Variants in IGF1R observed in about 807,000 individuals in gnomAD.
IGF1R encodes the protein insulin-like growth factor 1 receptor.
In IGF1R, 44 loss-of-function variants were observed where a neutral mutation model predicts 144.6. That is an observed-to-expected ratio of 0.30 (90% CI 0.24 to 0.39). IGF1R has a LOEUF of 0.39. IGF1R is among the 10% of genes least tolerant of loss of function. IGF1R has a pLI of 1.00. For missense variants in IGF1R, 1,355 were observed against 1,833.7 expected, an observed-to-expected ratio of 0.74 and a Z score of 4.77; for synonymous variants, 795 against 722.8, an observed-to-expected ratio of 1.10 and a Z score of -1.60.
intron 3 of IGF1R, among the ~76,000 whole-genome samples, chr15:98,893,842 A>T (rs2014048652): frequency 6.6e-6 from 1 of 152,176 alleles, no homozygotes; most frequent in African/African-American, 2.4e-5. Context: ...TTTTGTTTAA[A>T]AATAAAACAC....
rs570456255 is a variant in IGF1R, at chr15:98,707,164, G to A, written c.95-398G>A. Among the ~76,000 whole-genome samples, 3 of 152,202 alleles carry A rather than the reference G, an allele frequency of 2.0e-5. No homozygotes were observed. Among genetic ancestry groups the A allele is most frequent in the Middle Eastern group, 3.2e-3 (1 of 316 alleles). ...ATTGATACTTGGCTGCTGAGCTGTC[G>A]TTCAGGCCTTGGCAACTGACGCTCT... On this transcript the variant is annotated intron_variant, in intron 1 of 20. Transcript: ENST00000650285. This position sits in a 1 kb window ranked among gnomAD's most constrained non-coding sequence, Gnocchi z 6.7.
chr15:98,769,534 T>C (rs1055717585), intron 2 of IGF1R, among the ~76,000 whole-genome samples: 1 of 152,244 alleles, frequency 6.6e-6, no homozygotes, highest in African/African-American at 2.4e-5. Context: ...CATGTCATTC[T>C]TTTAGACTTG....
At chr15:98,833,442 T>C (rs1392549197) in intron 2 of IGF1R, among the ~76,000 whole-genome samples, 1 of 152,212 alleles carries the variant, frequency 6.6e-6, no homozygotes, top group Non-Finnish European at 1.5e-5. Context: ...TTCCATCAGC[T>C]ATTTTGTGGA....
At chr15:98,858,802 T>C (rs887456166) in intron 2 of IGF1R, among the ~76,000 whole-genome samples, 1 of 152,260 alleles carries the variant, frequency 6.6e-6, no homozygotes, top group African/African-American at 2.4e-5. Context: ...ATCAGCACCC[T>C]GCTTTTATTT....
chr15:98,715,554 A>G (rs543203671), intron 2 of IGF1R, among the ~76,000 whole-genome samples: 1 of 152,094 alleles, frequency 6.6e-6, no homozygotes, highest in Admixed American at 6.5e-5. Flanking sequence ...TGCTTTCCTC[A>G]TGTGTATGCC....
chr15:98,904,334 G>C (rs761688155), intron 5 of IGF1R, among the ~76,000 whole-genome samples: 16 of 152,084 alleles, frequency 1.1e-4, no homozygotes, highest in Admixed American at 3.3e-4. Context: ...TTACAGGTGT[G>C]AGCCACCGTG....
intron 2 of IGF1R, among the ~76,000 whole-genome samples, chr15:98,794,196 C>T (rs1484333696): frequency 6.6e-6 from 1 of 152,174 alleles, no homozygotes; most frequent in Admixed American, 6.5e-5. Context: ...TATTTAGAAA[C>T]GCCAGTCTAG....
chr15:98,734,692 C>T (rs1358461187), intron 2 of IGF1R: 3 of 152,144 alleles, frequency 2.0e-5, no homozygotes, highest in Admixed American at 1.3e-4. Context: ...TTTAATGTTG[C>T]CAGGAGGCCG....
chr15:98,781,977 G>A (rs760852184), intron 2 of IGF1R, among the ~76,000 whole-genome samples: 1 of 152,086 alleles, frequency 6.6e-6, no homozygotes, highest in Non-Finnish European at 1.5e-5. Flanking sequence ...CCAGCAAAAG[G>A]CTGATTACTT....
intron 5 of IGF1R, among the ~76,000 whole-genome samples, chr15:98,908,302 G>A (rs1036676309): frequency 1.1e-4 from 17 of 152,230 alleles, no homozygotes; most frequent in South Asian, 8.3e-4. Context: ...ACGCTGTTCC[G>A]ATTGGGTAGC....
At chr15:98,728,007 GTTTTT>G (rs10680958) in intron 2 of IGF1R, among the ~76,000 whole-genome samples, 3 of 108,756 alleles carry the variant, frequency 2.8e-5, no homozygotes, top group Admixed American at 1.1e-4. Flanking sequence ...AAGATGCATT[GTTTTT>G]TTTTTTTTTT....
At chr15:98,877,717 G>C (rs907825639) in intron 2 of IGF1R, among the ~76,000 whole-genome samples, 3 of 152,110 alleles carry the variant, frequency 2.0e-5, no homozygotes, top group Non-Finnish European at 4.4e-5. Context: ...ACTGTGATTT[G>C]CCTGTACAGG....
At position 98,962,432 on chromosome 15, in the gene IGF1R, TTC is replaced by T. The variant is rs1394427429; in HGVS notation, c.*4992_*4993del. The stretch of plus-strand genomic sequence containing the variant: ...TTAAGAACCAGTGGCGAAAGACACT[TTC>T]TTTCTTCACTCTGAAGTAGCTGGTG... On this transcript the variant is annotated 3_prime_UTR_variant, in exon 21 of 21. Coordinates refer to ENST00000650285, the MANE Select transcript of IGF1R (RefSeq NM_000875.5). The T allele has an allele frequency of 8.6e-6, 2 of 232,250 alleles. No individual in the cohort carries two copies. Among genetic ancestry groups the T allele is most frequent in the African/African-American group, 4.5e-5 (2 of 44,234 alleles). The allele number at this position is 232,250 out of a possible 1,614,324, so 14.4% of individuals were successfully genotyped here.
At chr15:98,933,341 T>C (rs949423096) in intron 15 of IGF1R, among the ~76,000 whole-genome samples, 1 of 152,216 alleles carries the variant, frequency 6.6e-6, no homozygotes, top group Non-Finnish European at 1.5e-5. Flanking sequence ...AATATTTATT[T>C]ATTCATTCAT....
In IGF1R at chr15:98,960,443, T is replaced by C; in HGVS notation, c.*3001T>C. The C allele has an allele frequency of 4.3e-6, 1 of 232,074 alleles. No homozygotes were observed. The highest frequency in any genetic ancestry group is 8.5e-6 in the Non-Finnish European group (1 of 117,526). 14.4% of individuals were successfully genotyped at this position (232,074 alleles called of 1,614,324 possible). ...CTGGCTGGTTGTCTTTGGAACAAAC[T>C]GCTTCTGTGCAGATGGAATGACCAA... On this transcript the variant is annotated 3_prime_UTR_variant, in exon 21 of 21. Transcript: ENST00000650285.
intron 5 of IGF1R, among the ~76,000 whole-genome samples, chr15:98,902,420 T>C (rs1300046003): frequency 6.7e-6 from 1 of 149,182 alleles, no homozygotes; most frequent in African/African-American, 2.5e-5. Context: ...TTGAACTTTT[T>C]TTTTTTTTTT....
At chr15:98,923,633 G>A (rs548735065) in intron 11 of IGF1R, 17 of 519,306 alleles carry the variant, frequency 3.3e-5, no homozygotes, top group South Asian at 1.1e-4. Context: ...ATCTTGAGAC[G>A]TGCAAGTTTT....
At chr15:98,807,288 G>T (rs1028087477) in intron 2 of IGF1R, among the ~76,000 whole-genome samples, 3 of 152,218 alleles carry the variant, frequency 2.0e-5, no homozygotes, top group Non-Finnish European at 4.4e-5. Flanking sequence ...CTGGATATAT[G>T]AATAGATGAA....
intron 1 of IGF1R, among the ~76,000 whole-genome samples, chr15:98,701,436 A>G (rs1188881868): frequency 7.0e-6 from 1 of 142,650 alleles, no homozygotes; most frequent in Non-Finnish European, 1.5e-5. Flanking sequence ...TCCCGGGTTC[A>G]TGCCATTCTC....
Sources: gnomAD v4.1 joint callset for allele counts (sites outside exome capture counted in the v4.1 genomes callset) on GRCh38, gnomAD v4.1.1 for gene constraint, Gnocchi (gnomAD v3.1) non-coding constraint, MANE v1.5 for transcripts, NCBI Gene and HGNC (gene_info 2026-07-23, HGNC 2026-07-21) for gene names.